ENDOV: variants seen among roughly 807,000 people sequenced by gnomAD.
ENDOV encodes hEndoV.
Under a neutral mutation model 39.4 loss-of-function variants are expected in ENDOV, and 37 were observed. The observed-to-expected ratio is 0.94, with a 90% confidence interval of 0.72 to 1.23. The LOEUF is 1.23. ENDOV is among the 50% of genes most tolerant of loss of function. The pLI is 0.00. For synonymous variants in ENDOV, 186 were observed against 163.4 expected, an observed-to-expected ratio of 1.14 and a Z score of -1.05; for missense variants, 441 against 375.7, an observed-to-expected ratio of 1.17 and a Z score of -1.44.
intron 3 of ENDOV, 119 bp downstream of exon 3, chr17:80,422,081 G>A: frequency 6.4e-7 from 1 of 1,558,008 alleles, no homozygotes; most frequent in Non-Finnish European, 8.7e-7. Context: ...TCCTGGAAGA[G>A]AGGAATGAGG....
chr17:80,421,834 T>A lies in ENDOV; in HGVS notation c.235T>A (p.Tyr79Asn), dbSNP rs1599357586. The A allele has an allele frequency of 6.3e-7, 1 of 1,596,838 alleles. No individual in the cohort carries two copies. The highest frequency in any genetic ancestry group is 2.3e-5 in the East Asian group (1 of 44,210). The change falls in exon 3 of 10, where the codon TAT becomes AAT. Residue 79 changes from tyrosine to asparagine, a missense_variant. Physicochemically the swap from Tyr to Asn is moderately radical, Grantham distance 143. Coordinates refer to ENST00000518137, the MANE Select transcript of ENDOV (RefSeq NM_173627.5). ...GCTGCGTGCCTGGTGTCAGGTGGTG[T>A]ATGAGGAGAGCCGCATGGTCAGCCT... ...VLSFPELEVVYEESRMVSLTA... is the reference protein window; with the variant it reads ...VLSFPELEVVNEESRMVSLTA...
chr17:80,419,105 G>A (rs1476442593), intron 2 of ENDOV, among the ~76,000 whole-genome samples: 5 of 151,070 alleles, frequency 3.3e-5, no homozygotes, highest in African/African-American at 4.9e-5. Context: ...CCTGGGAGGC[G>A]GAGCTTGCAG....
At position 80,436,497 on chromosome 17, in the gene ENDOV, T is replaced by A; in HGVS notation, c.*354T>A. 2 of 607,440 alleles carry A rather than the reference T, an allele frequency of 3.3e-6. No homozygotes were observed. Among genetic ancestry groups the A allele is most frequent in the Non-Finnish European group, 4.9e-6 (2 of 412,286 alleles). 37.6% of individuals were successfully genotyped at this position (607,440 alleles called of 1,614,324 possible). On this transcript the variant is annotated 3_prime_UTR_variant, in exon 10 of 10. Coordinates refer to ENST00000518137, the MANE Select transcript of ENDOV (RefSeq NM_173627.5). ...TTTATCCTTAAAGGGTACTGGATTT[T>A]GTCAAATGCTTTTCTGGCCTCTATT...
In ENDOV at chr17:80,425,514, G is replaced by A. The variant is rs1039872937; in HGVS notation, c.608G>A (p.Ser203Asn). Residue 203 changes from serine (S) to asparagine (N), a missense_variant, in exon 7 of 10, where the codon AGC (serine) becomes AAC (asparagine). Transcript: ENST00000518137. ...LGMALRSHDR[S>N]TRPLYISVGH... ...CAGGCCCTGAGGAGCCACGACCGCA[G>A]CACCAGGCCCCTCTACATCTCCGTG... 6.9e-6 allele frequency: 11 copies of A among 1,598,542 alleles called. No homozygotes were observed. The highest frequency in any genetic ancestry group is 1.8e-4 in the Middle Eastern group (1 of 5,414).
intron 1 of ENDOV, 138 bp from the exon 2 acceptor site, chr17:80,415,512 C>G: frequency 4.1e-6 from 5 of 1,206,884 alleles, no homozygotes; most frequent in Non-Finnish European, 5.7e-6. Context: ...GGACTGTGGC[C>G]TCGGCGGTAT....
chr17:80,420,882 G>C (rs2081916785), intron 2 of ENDOV, among the ~76,000 whole-genome samples: 1 of 152,336 alleles, frequency 6.6e-6, no homozygotes, highest in Middle Eastern at 3.4e-3. Context: ...TCTCCATGTT[G>C]GTCAGGCTGG....
intron 7 of ENDOV, 100 bp downstream of exon 7, chr17:80,425,720 G>A: frequency 6.6e-7 from 1 of 1,504,538 alleles, no homozygotes; most frequent in South Asian, 1.2e-5. Flanking sequence ...TCAGAGTGCA[G>A]TGACATGAGG....
intron 9 of ENDOV, chr17:80,433,006 G>C (rs2083420676): frequency 2.3e-6 from 1 of 432,772 alleles, no homozygotes; most frequent in Non-Finnish European, 4.6e-6. Context: ...GGACCCTTGG[G>C]AGGCTCAGCA....
intron 9 of ENDOV, 132 bp from the exon 10 acceptor site, chr17:80,436,001 C>T: frequency 2.0e-6 from 2 of 978,680 alleles, no homozygotes; most frequent in Admixed American, 2.0e-5. Context: ...GCTTTCCTCC[C>T]ACCTCGGCCT....
intron 9 of ENDOV, chr17:80,430,084 A>G: frequency 6.5e-7 from 1 of 1,535,598 alleles, no homozygotes; most frequent in Non-Finnish European, 8.7e-7. Flanking sequence ...GCACCACCCC[A>G]GGGGGACGCC....
At chr17:80,426,280 G>A (rs2082674914) in intron 7 of ENDOV, among the ~76,000 whole-genome samples, 1 of 152,210 alleles carries the variant, frequency 6.6e-6, no homozygotes, top group South Asian at 2.1e-4. Flanking sequence ...GAGGGTTCAA[G>A]AAAAGTCAGT....
At chr17:80,431,612 G>A (rs959969518) in intron 9 of ENDOV, among the ~76,000 whole-genome samples, 6 of 152,202 alleles carry the variant, frequency 3.9e-5, no homozygotes, top group African/African-American at 9.7e-5. Flanking sequence ...GCCCCAGTGC[G>A]GCCCCTCAGG....
chr17:80,424,505 CA>C (rs1441764893), intron 5 of ENDOV, among the ~76,000 whole-genome samples: 3 of 152,242 alleles, frequency 2.0e-5, no homozygotes, highest in Non-Finnish European at 2.9e-5. Context: ...CAGGTTTGAA[CA>C]GGGTCTTGTG....
chr17:80,427,816 T>A, intron 7 of ENDOV: 1 of 1,287,976 alleles, frequency 7.8e-7, no homozygotes, highest in Non-Finnish European at 1.0e-6. Context: ...GTCCAGGCTC[T>A]CCTGCCAGGC....
chr17:80,426,647 T>C (rs1179916420), intron 7 of ENDOV, among the ~76,000 whole-genome samples: 1 of 152,066 alleles, frequency 6.6e-6, no homozygotes, highest in Non-Finnish European at 1.5e-5. Flanking sequence ...CAAGACCTTA[T>C]CTCAAAAAAA....
In ENDOV at chr17:80,422,394, C is replaced by T. The variant is rs990417053; in HGVS notation, c.403+149C>T. On this transcript the variant is annotated intron_variant, in intron 4 of 9. Transcript: ENST00000518137. Reference sequence around the variant, plus strand: ...CTTCTTTCTCGGCGCAACGGGGACGCGCAGTGCGCTCAGCCCCGCCTCCCC... The same window carrying T: ...CTTCTTTCTCGGCGCAACGGGGACGTGCAGTGCGCTCAGCCCCGCCTCCCC... 143 of 947,592 alleles carry T rather than the reference C, an allele frequency of 1.5e-4. No homozygotes were observed. In the Middle Eastern group the frequency reaches 1.5e-3, roughly 10 times the overall value. 58.7% of individuals were successfully genotyped at this position (947,592 alleles called of 1,614,324 possible).
chr17:80,425,064 C>G lies in ENDOV; in HGVS notation c.549C>G (p.Phe183Leu). The G allele has an allele frequency of 1.9e-6, 3 of 1,612,228 alleles. No homozygotes were observed. The highest frequency in any genetic ancestry group is 2.5e-6 in the Non-Finnish European group (3 of 1,179,246). The change falls in exon 6 of 10, where the codon TTC becomes TTG. Residue 183 changes from phenylalanine to leucine, a missense_variant. Coordinates refer to ENST00000518137, the MANE Select transcript of ENDOV (RefSeq NM_173627.5). ...IRLLQTRGDS[F>L]PLLGDSGTVL... The stretch of plus-strand genomic sequence containing the variant: ...TCCTGCAGACTCGAGGAGACTCATT[C>G]CCTCTGCTGGGAGACTCTGGGACTG...
chr17:80,423,479 A>ACCC, intron 4 of ENDOV, 41 bp from the exon 5 acceptor site: 121 of 782,716 alleles, frequency 1.5e-4, no homozygotes, highest in Non-Finnish European at 2.3e-4. Flanking sequence ...GCCAGGCCCC[A>ACCC]GCCCCACCTC....
At position 80,429,785 on chromosome 17, in the gene ENDOV, G is replaced by A. The variant is rs769979099; in HGVS notation, c.792G>A (p.Ala264=). The change falls in exon 9 of 10, where the codon GCG becomes GCA. Residue 264 remains alanine (A), a synonymous_variant. Coordinates refer to ENST00000518137, the MANE Select transcript of ENDOV (RefSeq NM_173627.5). ...ATGTCATCACCAGGAGCCCGAAGGC[G>A]CAGAGGCCAGTGGCATGCCCCAAAG... ...PGPPTPRSPK[A]QRPVACPKGD... 57 of 1,603,924 alleles carry A rather than the reference G, an allele frequency of 3.6e-5. No homozygotes were observed. Among genetic ancestry groups the A allele is most frequent in the Middle Eastern group, 1.7e-4 (1 of 6,024 alleles).
Sources: gnomAD v4.1 joint callset for allele counts (sites outside exome capture counted in the v4.1 genomes callset) on GRCh38, gnomAD v4.1.1 for gene constraint, MANE v1.5 for transcripts, NCBI Gene and HGNC (gene_info 2026-07-23, HGNC 2026-07-21) for gene names.